BRIP1: variants seen among roughly 807,000 people sequenced by gnomAD.
The protein encoded by BRIP1 is Fanconi anemia group J protein.
A neutral mutation model predicts 119.7 loss-of-function variants in BRIP1; 88 were observed. The observed-to-expected ratio is 0.74, with a 90% confidence interval of 0.62 to 0.88. BRIP1 has a LOEUF of 0.88. Among genes scored for constraint, BRIP1 ranks in the 40% least tolerant of loss-of-function variants. The pLI is 0.00. For missense variants in BRIP1, 1,259 were observed against 1,455.4 expected (o/e 0.87, Z 2.20); for synonymous variants, 443 against 496.5 (o/e 0.89, Z 1.43).
rs1603347859 is a variant in BRIP1 at position 61,809,984 on chromosome 17, A to C, written c.628-1227T>G. Among the ~76,000 whole-genome samples, 1 of 152,254 alleles carries C rather than the reference A, an allele frequency of 6.6e-6. No homozygotes were observed. Among genetic ancestry groups the C allele is most frequent in the African/African-American group, 2.4e-5 (1 of 41,472 alleles). ...CTCACTCAACCTTGTCCGCCATTAA[A>C]TATTACAATACATGATAGAATGGAT... is the stretch of plus-strand genomic sequence containing the variant. On this transcript the variant is annotated intron_variant, in intron 6 of 19. Transcript: ENST00000259008. The surrounding 1 kb of genome is among the most constrained non-coding windows in gnomAD (Gnocchi z 5.2).
In BRIP1 at chr17:61,741,419, C is replaced by T. The variant is rs376002265; in HGVS notation, c.2379+1594G>A. Among the ~76,000 whole-genome samples, 31 of 152,268 alleles carry T rather than the reference C, an allele frequency of 2.0e-4. 1 individual carries two copies. In the Middle Eastern group the frequency reaches 0.014, roughly 67 times the overall value. ...TGAATGTTCTTAATGGCATCTAGAA[C>T]GGTGAATCCTTTCCAGAAGGTTTTT... On this transcript the variant is annotated intron_variant, in intron 16 of 19. Transcript: ENST00000259008.
rs2077962252 is a variant in BRIP1 at position 61,799,785 on chromosome 17, T to C, written c.1141-486A>G. 6.6e-6 allele frequency among the ~76,000 whole-genome samples: 1 copy of C among 152,168 alleles called. No homozygotes were observed. The highest frequency in any genetic ancestry group is 1.5e-5 in the Non-Finnish European group (1 of 68,018). On this transcript the variant is annotated intron_variant, in intron 8 of 19. Coordinates refer to ENST00000259008, the MANE Select transcript of BRIP1 (RefSeq NM_032043.3). The surrounding 1 kb of genome is among the most constrained non-coding windows in gnomAD (Gnocchi z 5.1). ...AAGATTAAAATGACTCTTAAAATAC[T>C]AACATAATATATATGTTTTGTTTTA...
In BRIP1 at chr17:61,765,379, TTATATATATATA is replaced by T. The variant is rs1287538931; in HGVS notation, c.2097+11010_2097+11021del. 4.9e-3 allele frequency among the ~76,000 whole-genome samples: 186 copies of T among 37,704 alleles called. 2 individuals carry two copies. Among genetic ancestry groups the T allele is most frequent in the African/African-American group, 0.017 (156 of 9,058 alleles). 24.7% of individuals were successfully genotyped at this position (37,704 alleles called of 152,430 possible). A position where few individuals can be genotyped will look rare whatever the true frequency, so the allele number is the denominator to read the frequency against. On this transcript the variant is annotated intron_variant, in intron 14 of 19. Coordinates refer to ENST00000259008, the MANE Select transcript of BRIP1 (RefSeq NM_032043.3). ...ATGTGTGTGTGTGTGTGTGTATATATTATATATATATATATATATATATATATATATATATAT... is the reference window on the plus strand; with the variant it reads ...ATGTGTGTGTGTGTGTGTGTATATATTATATATATATATATATATATATAT...
At position 61,810,306 on chromosome 17, in the gene BRIP1, G is replaced by A. The variant is rs2145437237; in HGVS notation, c.628-1549C>T. Among the ~76,000 whole-genome samples, 1 of 152,256 alleles carries A rather than the reference G, an allele frequency of 6.6e-6. No homozygotes were observed. Among genetic ancestry groups the A allele is most frequent in the South Asian group, 2.1e-4 (1 of 4,822 alleles). Reference sequence around the variant, plus strand: ...AGGAAACAGCTGACATGTGGTTTATGTTACATATGTTGCAATATCCAACAA... The same window carrying A: ...AGGAAACAGCTGACATGTGGTTTATATTACATATGTTGCAATATCCAACAA... On this transcript the variant is annotated intron_variant, in intron 6 of 19. Coordinates refer to ENST00000259008, the MANE Select transcript of BRIP1 (RefSeq NM_032043.3). The surrounding 1 kb of genome is among the most constrained non-coding windows in gnomAD (Gnocchi z 4.7).
rs1567808797 is a variant in BRIP1, at chr17:61,776,468, C to T, written c.2030G>A (p.Gly677Glu). ...CTGGCACACAGATAACAAAAGTGCT[C>T]CCACTTCATCTTGGAACTCAAATGT... ...TETFEFQDEVGALLLSVCQTV... is the reference protein window; with the variant it reads ...TETFEFQDEVEALLLSVCQTV... The change falls in exon 14 of 20, where the codon GGA (glycine) becomes GAA (glutamate). Residue 677 changes from glycine (G) to glutamate (E), a missense_variant. Physicochemically the swap from Gly to Glu is moderately conservative, Grantham distance 98 (BLOSUM62 -2). This residue lies in a region of BRIP1 where 753 missense variants were observed against 891.8 expected (regional missense o/e 0.84). Coordinates refer to ENST00000259008, the MANE Select transcript of BRIP1 (RefSeq NM_032043.3). The surrounding 1 kb of genome is among the most constrained non-coding windows in gnomAD (Gnocchi z 5.0). 6.2e-7 allele frequency: 1 copy of T among 1,614,126 alleles called. No individual in the cohort carries two copies. The highest frequency in any genetic ancestry group is 8.5e-7 in the Non-Finnish European group (1 of 1,180,010).
chr17:61,692,972 T>C (rs1202210624), intron 18 of BRIP1, among the ~76,000 whole-genome samples: 1 of 152,140 alleles, frequency 6.6e-6, no homozygotes, highest in East Asian at 1.9e-4. Context: ...AACCTAAATG[T>C]CTACTGACAG....
intron 7 of BRIP1, 77 bp from the exon 8 acceptor site, chr17:61,801,551 T>C (rs1178929215): frequency 1.5e-6 from 2 of 1,311,658 alleles, no homozygotes; most frequent in Non-Finnish European, 2.2e-6. Context: ...TCTCAGAATT[T>C]GAGGAACATC....
intron 6 of BRIP1, among the ~76,000 whole-genome samples, chr17:61,812,326 G>A (rs113413409): frequency 4.6e-5 from 7 of 151,994 alleles, no homozygotes; most frequent in African/African-American, 1.7e-4. Flanking sequence ...TTTTCCCTTT[G>A]CTGTTTAAAT....
Position 61,857,273 on chromosome 17 carries a change from A to G in BRIP1, c.206-42T>C. On this transcript the variant is annotated intron_variant, in intron 3 of 19. Coordinates refer to ENST00000259008, the MANE Select transcript of BRIP1 (RefSeq NM_032043.3). This position sits in a 1 kb window ranked among gnomAD's most constrained non-coding sequence, Gnocchi z 5.1. ...ATCTATTTATAATATATCTAATTAAATAAACATCAATCATTCTCTACAGCC... is the reference window on the plus strand; with the variant it reads ...ATCTATTTATAATATATCTAATTAAGTAAACATCAATCATTCTCTACAGCC... 1.5e-5 allele frequency: 22 copies of G among 1,513,002 alleles called. No individual in the cohort carries two copies. Among genetic ancestry groups the G allele is most frequent in the Non-Finnish European group, 2.0e-5 (22 of 1,107,986 alleles). The allele number at this position is 1,513,002 out of a possible 1,614,324, so 93.7% of individuals were successfully genotyped here.
At position 61,798,071 on chromosome 17, in the gene BRIP1, A is replaced by G. The variant is rs894308840; in HGVS notation, c.1340+1029T>C. Among the ~76,000 whole-genome samples, 19 of 152,024 alleles carry G rather than the reference A, an allele frequency of 1.2e-4. No homozygotes were observed. The highest frequency in any genetic ancestry group is 3.9e-4 in the African/African-American group (16 of 41,432). ...GATTCCTATAGATATATTTGCATAC[A>G]AATGAAATTATGTATGTTCAAAGTT... On this transcript the variant is annotated intron_variant, in intron 9 of 19. Coordinates refer to ENST00000259008, the MANE Select transcript of BRIP1 (RefSeq NM_032043.3). This position sits in a 1 kb window ranked among gnomAD's most constrained non-coding sequence, Gnocchi z 5.5.
chr17:61,844,926 C>T lies in BRIP1; in HGVS notation c.627+2175G>A, dbSNP rs2078706806. Among the ~76,000 whole-genome samples the T allele has an allele frequency of 6.6e-6, 1 of 152,154 alleles. No homozygotes were observed. The highest frequency in any genetic ancestry group is 6.5e-5 in the Admixed American group (1 of 15,284). ...ACCTGCTTCATAATCATTGTAAGAACTCAGTAACATTCAACAAATAAATAT... is the reference window on the plus strand; with the variant it reads ...ACCTGCTTCATAATCATTGTAAGAATTCAGTAACATTCAACAAATAAATAT... On this transcript the variant is annotated intron_variant, in intron 6 of 19. Coordinates refer to ENST00000259008, the MANE Select transcript of BRIP1 (RefSeq NM_032043.3). The surrounding 1 kb of genome is among the most constrained non-coding windows in gnomAD (Gnocchi z 4.7).
rs763935814 is a variant in BRIP1, at chr17:61,794,586, T to A, written c.1341-857A>T. ...ATCAGGAAAAATAACTAATGAGTTA[T>A]AAGGCTTAATACCTGGGTGATGAAA... On this transcript the variant is annotated intron_variant, in intron 9 of 19. Transcript: ENST00000259008. This position sits in a 1 kb window ranked among gnomAD's most constrained non-coding sequence, Gnocchi z 4.3. 2.0e-5 allele frequency among the ~76,000 whole-genome samples: 3 copies of A among 151,674 alleles called. No individual in the cohort carries two copies. The highest frequency in any genetic ancestry group is 4.4e-5 in the Non-Finnish European group (3 of 67,934).
chr17:61,840,519 A>G (rs2078643095), intron 6 of BRIP1, among the ~76,000 whole-genome samples: 1 of 152,094 alleles, frequency 6.6e-6, no homozygotes, highest in South Asian at 2.1e-4. Context: ...GCTCACACCT[A>G]TAATCCTGGC....
At position 61,687,766 on chromosome 17, in the gene BRIP1, C is replaced by T. The variant is rs957792223; in HGVS notation, c.2576-1601G>A. 2.0e-4 allele frequency among the ~76,000 whole-genome samples: 30 copies of T among 152,092 alleles called. No homozygotes were observed. The highest frequency in any genetic ancestry group is 6.5e-4 in the African/African-American group (27 of 41,434). On this transcript the variant is annotated intron_variant, in intron 18 of 19. Coordinates refer to ENST00000259008, the MANE Select transcript of BRIP1 (RefSeq NM_032043.3). This position sits in a 1 kb window ranked among gnomAD's most constrained non-coding sequence, Gnocchi z 5.1. ...AATGATACTACTGCCTGCATCAAAG[C>T]GGTAGGAAAATTTGTGGCACCCTCT... is the stretch of plus-strand genomic sequence containing the variant.
At chr17:61,830,636 T>C (rs2078479728) in intron 6 of BRIP1, among the ~76,000 whole-genome samples, 1 of 152,196 alleles carries the variant, frequency 6.6e-6, no homozygotes, top group Non-Finnish European at 1.5e-5. Context: ...AAAATGTGAA[T>C]ACTCCTATAC....
rs1417714425 is a variant in BRIP1 at position 61,807,625 on chromosome 17, T to G, written c.918+842A>C. Reference sequence around the variant, plus strand: ...AAACTCTGGGGGCTATAGCTCACAGTTTTTTGTGTAGAACCAACTCTAATA... The same window carrying G: ...AAACTCTGGGGGCTATAGCTCACAGGTTTTTGTGTAGAACCAACTCTAATA... On this transcript the variant is annotated intron_variant, in intron 7 of 19. Coordinates refer to ENST00000259008, the MANE Select transcript of BRIP1 (RefSeq NM_032043.3). This position sits in a 1 kb window ranked among gnomAD's most constrained non-coding sequence, Gnocchi z 4.5. Among the ~76,000 whole-genome samples, 1 of 152,036 alleles carries G rather than the reference T, an allele frequency of 6.6e-6. No individual in the cohort carries two copies. The highest frequency in any genetic ancestry group is 1.5e-5 in the Non-Finnish European group (1 of 67,986).
intron 17 of BRIP1, among the ~76,000 whole-genome samples, chr17:61,707,849 ATT>A (rs1229577859): frequency 5.7e-5 from 8 of 141,152 alleles, no homozygotes; most frequent in South Asian, 2.3e-4. Flanking sequence ...TGGTCTTCAC[ATT>A]TTTTTTTTTT....
chr17:61,857,747 T>G lies in BRIP1; in HGVS notation c.206-516A>C, dbSNP rs1331502111. ...TCAAAAACCAAAACAAAAACATTTA[T>G]AGGGAAATTATCACCCATTTATGTA... On this transcript the variant is annotated intron_variant, in intron 3 of 19. Coordinates refer to ENST00000259008, the MANE Select transcript of BRIP1 (RefSeq NM_032043.3). This position sits in a 1 kb window ranked among gnomAD's most constrained non-coding sequence, Gnocchi z 5.1. Among the ~76,000 whole-genome samples the G allele has an allele frequency of 6.6e-6, 1 of 151,346 alleles. No homozygotes were observed. The highest frequency in any genetic ancestry group is 1.5e-5 in the Non-Finnish European group (1 of 67,886).
chr17:61,850,290 CG>C (rs2078799291), intron 4 of BRIP1, among the ~76,000 whole-genome samples: 1 of 151,714 alleles, frequency 6.6e-6, no homozygotes, highest in Admixed American at 6.5e-5. Context: ...TTAATAGAGA[CG>C]GGGTTTCTCC....
Sources: gnomAD v4.1 joint callset for allele counts (sites outside exome capture counted in the v4.1 genomes callset) on GRCh38, gnomAD v4.1.1 for gene constraint, gnomAD v4.1.1 regional missense constraint, Gnocchi (gnomAD v3.1) non-coding constraint, MANE v1.5 for transcripts, NCBI Gene and HGNC (gene_info 2026-07-23, HGNC 2026-07-21) for gene names.